Variants in CFAP92 observed in about 807,000 individuals in gnomAD.
CFAP92 encodes the protein cilia and flagella associated protein 92 (putative).
Under a neutral mutation model 106.3 loss-of-function variants are expected in CFAP92, and 86 were observed. That is an observed-to-expected ratio of 0.81 (90% CI 0.68 to 0.97). CFAP92 has a LOEUF of 0.97. CFAP92 is among the 50% of genes least tolerant of loss of function. CFAP92 has a pLI of 0.00. For synonymous variants in CFAP92, 477 were observed against 506.4 expected (o/e 0.94, Z 0.78); for missense variants, 1,204 against 1,283.8 (o/e 0.94, Z 0.95).
intron 12 of CFAP92, among the ~76,000 whole-genome samples, chr3:128,930,487 G>T (rs568948869): frequency 2.1e-4 from 32 of 149,402 alleles, no homozygotes; most frequent in Admixed American, 4.0e-4. Context: ...ATGGCCAGGC[G>T]TGGTCACCTG....
Position 128,978,044 on chromosome 3 carries a change from C to G in CFAP92, c.808+1G>C. The stretch of plus-strand genomic sequence containing the variant: ...TGTCCACAAAGGCCTTCTCCGCTCA[C>G]CTTGCAAAGACTTTGGGTGTTTTTC... On this transcript the variant is annotated splice_donor_variant, in intron 5 of 15. Transcript: ENST00000645291. LOFTEE classifies it high-confidence loss of function. 1 of 1,613,932 alleles carries G rather than the reference C, an allele frequency of 6.2e-7. No homozygotes were observed.
chr3:128,961,023 T>TA (rs1941867726), intron 9 of CFAP92, among the ~76,000 whole-genome samples: 1 of 151,534 alleles, frequency 6.6e-6, no homozygotes, highest in Non-Finnish European at 1.5e-5. Context: ...CCTTCTCCCT[T>TA]AGCCTGTGTG....
intron 1 of CFAP92, chr3:129,001,915 C>T: frequency 6.5e-7 from 1 of 1,538,900 alleles, no homozygotes; most frequent in Non-Finnish European, 8.8e-7. Context: ...GCCACCACGG[C>T]CGGGCAGGCA....
At chr3:128,912,859 G>T (rs1394599929) in intron 15 of CFAP92, 2 of 646,862 alleles carry the variant, frequency 3.1e-6, no homozygotes, top group African/African-American at 3.6e-5. Context: ...CTGACCCCTG[G>T]AACTGGCGGG....
At chr3:128,992,934 G>C in intron 2 of CFAP92, 109 bp downstream of exon 2, 1 of 1,345,406 alleles carries the variant, frequency 7.4e-7, no homozygotes. Flanking sequence ...GCCCGCTTTG[G>C]GGTGGGGCAG....
intron 9 of CFAP92, among the ~76,000 whole-genome samples, chr3:128,949,099 T>C (rs1940541080): frequency 6.6e-6 from 1 of 152,200 alleles, no homozygotes; most frequent in African/African-American, 2.4e-5. Flanking sequence ...CTAGAACCCT[T>C]GTTCACTGCT....
At chr3:128,979,204 C>T (rs1429086736) in intron 4 of CFAP92, among the ~76,000 whole-genome samples, 1 of 152,228 alleles carries the variant, frequency 6.6e-6, no homozygotes, top group Non-Finnish European at 1.5e-5. Context: ...AAATGCTCAT[C>T]ATCACTGGCC....
intron 7 of CFAP92, 65 bp from the exon 8 acceptor site, chr3:128,971,498 C>A: frequency 7.7e-7 from 1 of 1,291,114 alleles, no homozygotes; most frequent in Non-Finnish European, 1.1e-6. Context: ...CATATGTGGA[C>A]CTGAACATGC....
Position 128,933,144 on chromosome 3 carries a change from C to T in CFAP92, c.2454-147G>A, listed in dbSNP as rs368052191. 440 of 755,304 alleles carry T rather than the reference C, an allele frequency of 5.8e-4. 5 individuals are homozygous for T. The South Asian group carries it at 7.7e-3, about 13-fold the overall frequency. 46.8% of individuals were successfully genotyped at this position (755,304 alleles called of 1,614,324 possible). ...GCTTGTGACTAAAGAGCTCCAATTC[C>T]AGTCTGCTGAGCCTGGGCTCCTGGC... is the stretch of plus-strand genomic sequence containing the variant. On this transcript the variant is annotated intron_variant, in intron 11 of 15. Transcript: ENST00000645291.
upstream of CFAP92, chr3:129,003,956 G>C (rs1294764016): frequency 7.0e-7 from 1 of 1,433,020 alleles, no homozygotes; most frequent in Non-Finnish European, 9.1e-7. Flanking sequence ...GCGCGCGGAG[G>C]AGGCCCGGCA....
intron 9 of CFAP92, among the ~76,000 whole-genome samples, chr3:128,956,215 T>TAAAAAAAAAAAAAAA (rs545191144): frequency 2.9e-5 from 2 of 68,746 alleles, no homozygotes; most frequent in East Asian, 4.1e-4. Context: ...AATAAAAAAA[T>TAAAAAAAAAAAAAAA]AAAAAAAAAA....
chr3:128,965,215 C>G (rs1335256907), intron 9 of CFAP92, among the ~76,000 whole-genome samples: 1 of 152,214 alleles, frequency 6.6e-6, no homozygotes, highest in Non-Finnish European at 1.5e-5. Flanking sequence ...CCCTGCCCAC[C>G]AGAGAACAAC....
chr3:128,914,156 G>A (rs1390076669), intron 15 of CFAP92, among the ~76,000 whole-genome samples: 1 of 152,206 alleles, frequency 6.6e-6, no homozygotes, highest in Non-Finnish European at 1.5e-5. Flanking sequence ...GAAACCCCCA[G>A]GAGACTTTTG....
chr3:129,015,532 C>T, the CFAP92 span, among the ~76,000 whole-genome samples: 3 of 152,138 alleles, frequency 2.0e-5, no homozygotes, highest in African/African-American at 7.2e-5. Context: ...AAGTCAGCAG[C>T]TTGGGCTGGC....
intron 12 of CFAP92, among the ~76,000 whole-genome samples, chr3:128,917,252 G>A (rs1484478036): frequency 6.6e-6 from 1 of 152,194 alleles, no homozygotes; most frequent in Non-Finnish European, 1.5e-5. Flanking sequence ...AGTTTTTCTA[G>A]TTGTCCTTAG....
At chr3:129,016,552 TGCCTGCCA>T in the CFAP92 span, among the ~76,000 whole-genome samples, 11 of 146,916 alleles carry the variant, frequency 7.5e-5, no homozygotes, top group African/African-American at 2.7e-4. Context: ...GAGCTCCACC[TGCCTGCCA>T]GCTTCCCTTC....
chr3:128,978,548 G>A (rs1388875689), intron 4 of CFAP92, among the ~76,000 whole-genome samples: 1 of 152,152 alleles, frequency 6.6e-6, no homozygotes, highest in Admixed American at 6.6e-5. Context: ...AGCTGTGACT[G>A]CACCACTGCA....
Position 128,965,613 on chromosome 3 carries a change from C to T in CFAP92, c.1251G>A (p.Pro417=), listed in dbSNP as rs987772353. 4.5e-5 allele frequency: 18 copies of T among 398,842 alleles called. No individual in the cohort carries two copies. Among genetic ancestry groups the T allele is most frequent in the South Asian group, 1.3e-4 (1 of 7,834 alleles). 24.7% of individuals were successfully genotyped at this position (398,842 alleles called of 1,614,324 possible). The stretch of plus-strand genomic sequence containing the variant: ...CCTGCTTTTGCTCCTCGGTCATGAT[C>T]GGAACTTCTGTTTTTAAAGTCAAAA... ...DCLLTLKTEV[P]IMTEEQKQDL... Residue 417 remains proline, a synonymous_variant, in exon 9 of 16, where the codon CCG becomes CCA. Coordinates refer to ENST00000645291, the MANE Select transcript of CFAP92 (RefSeq NM_001394090.1).
At chr3:128,916,493 C>G (rs143702171) in intron 12 of CFAP92, among the ~76,000 whole-genome samples, 31 of 152,266 alleles carry the variant, frequency 2.0e-4, no homozygotes, top group African/African-American at 6.0e-4. Flanking sequence ...AAATTGAGAC[C>G]CCTAAGGTCA....
Sources: allele counts gnomAD v4.1 joint callset (sites outside exome capture counted in the v4.1 genomes callset), GRCh38; gene constraint gnomAD v4.1.1; transcripts MANE v1.5; gene names NCBI Gene and HGNC (gene_info 2026-07-23, HGNC 2026-07-21).